DNAH11: variants seen among roughly 807,000 people sequenced by gnomAD.
DNAH11 encodes dynein axonemal heavy chain 11, also known as axonemal beta dynein heavy chain 11.
DNAH11 carries 442 observed loss-of-function variants against 526.0 expected under a neutral mutation model. The ratio of observed to expected loss-of-function variants is 0.84; its 90% CI spans 0.78 to 0.91. The LOEUF is 0.91. DNAH11 is among the 40% of genes least tolerant of loss of function. The probability of loss-of-function intolerance (pLI) is 0.00; values close to 1 mark genes in which losing one functional copy is unlikely to be tolerated. For synonymous variants in DNAH11, 2,461 were observed against 1,935.9 expected (o/e 1.27, Z -7.12); for missense variants, 6,989 against 5,448.7 (o/e 1.28, Z -8.90).
chr7:21,700,876 A>G, intron 36 of DNAH11, among the ~76,000 whole-genome samples: 1 of 152,104 alleles, frequency 6.6e-6, no homozygotes, highest in Non-Finnish European at 1.5e-5. Flanking sequence ...ACCAAACACC[A>G]CATATTCTCA....
rs569173286 is a variant in DNAH11 at position 21,757,415 on chromosome 7, C to A, written c.8940+7051C>A. Among the ~76,000 whole-genome samples, 217 of 151,732 alleles carry A rather than the reference C, an allele frequency of 1.4e-3. 5 individuals carry two copies. In the Middle Eastern group the frequency reaches 0.02, roughly 14 times the overall value. On this transcript the variant is annotated intron_variant, in intron 54 of 81. Transcript: ENST00000409508. The stretch of plus-strand genomic sequence containing the variant: ...TTTATCCTATCCGTTTTTATTTAAA[C>A]CCCCTTCTTTTACCTTCTTTCTTCA...
At chr7:21,607,936 C>CAAAAA (rs34293535) in intron 20 of DNAH11, among the ~76,000 whole-genome samples, 15 of 68,642 alleles carry the variant, frequency 2.2e-4, no homozygotes, top group Admixed American at 1.2e-3. Context: ...GACTTCATCT[C>CAAAAA]AAAAAAAAAA....
chr7:21,878,633 T>A (rs910793683), intron 74 of DNAH11, among the ~76,000 whole-genome samples: 1 of 152,146 alleles, frequency 6.6e-6, no homozygotes, highest in Admixed American at 6.6e-5. Context: ...TGATTTAGAG[T>A]GACCTAGTGA....
At chr7:21,698,935 CTTATT>C (rs1454638705) in intron 36 of DNAH11, among the ~76,000 whole-genome samples, 1 of 151,870 alleles carries the variant, frequency 6.6e-6, no homozygotes, top group Non-Finnish European at 1.5e-5. Flanking sequence ...ATTCGAAAAA[CTTATT>C]TTATAATTTT....
At chr7:21,629,475 G>A (rs1313912558) in intron 25 of DNAH11, among the ~76,000 whole-genome samples, 4 of 152,034 alleles carry the variant, frequency 2.6e-5, no homozygotes, top group African/African-American at 7.2e-5. Context: ...TGAAATCTTG[G>A]AAGATCTGTC....
At chr7:21,623,680 T>C (rs888633086) in intron 25 of DNAH11, among the ~76,000 whole-genome samples, 30 of 151,966 alleles carry the variant, frequency 2.0e-4, no homozygotes, top group African/African-American at 3.6e-4. Context: ...ATGGATGAAA[T>C]TGGAAATCAT....
chr7:21,590,791 CTATT>C, intron 12 of DNAH11, 123 bp from the exon 13 acceptor site: 2 of 577,016 alleles, frequency 3.5e-6, no homozygotes, highest in Non-Finnish European at 5.3e-6. Context: ...AAACAAAAGT[CTATT>C]TACCTTGATT....
rs367871885 is a variant in DNAH11, at chr7:21,601,437, G to A, written c.3467G>A (p.Gly1156Glu). 6.2e-7 allele frequency: 1 copy of A among 1,613,390 alleles called. No homozygotes were observed. Among genetic ancestry groups the A allele is most frequent in the African/African-American group, 1.3e-5 (1 of 74,916 alleles). ...LQEFIKETDS[G>E]LQRELNEGDH... ...GAATTTATAAAGGAGACAGATTCCGGACTTCAGAGAGAATTAAATGAAGGT... is the reference window on the plus strand; with the variant it reads ...GAATTTATAAAGGAGACAGATTCCGAACTTCAGAGAGAATTAAATGAAGGT... The change falls in exon 18 of 82, where the codon GGA becomes GAA. Residue 1156 changes from glycine to glutamate, a missense_variant. Transcript: ENST00000409508.
chr7:21,655,754 A>G lies in DNAH11; in HGVS notation c.4945-78A>G, dbSNP rs1193812240. 5 of 1,415,790 alleles carry G rather than the reference A, an allele frequency of 3.5e-6. No individual in the cohort carries two copies. In the East Asian group the frequency reaches 7.2e-5, roughly 21 times the overall value. The allele number at this position is 1,415,790 out of a possible 1,614,324, so 87.7% of individuals were successfully genotyped here. ...TAACTCCATAACGTTTCATGACTTCATATGGCATCATCTCTAGATTATCAG... is the reference window on the plus strand; with the variant it reads ...TAACTCCATAACGTTTCATGACTTCGTATGGCATCATCTCTAGATTATCAG... On this transcript the variant is annotated intron_variant, in intron 28 of 81. Transcript: ENST00000409508.
intron 41 of DNAH11, among the ~76,000 whole-genome samples, chr7:21,711,102 A>G (rs1784450394): frequency 6.6e-6 from 1 of 152,186 alleles, no homozygotes; most frequent in Admixed American, 6.5e-5. Flanking sequence ...CTATGGATTG[A>G]GTTAAAATGT....
At chr7:21,718,797 C>T (rs1784769319) in intron 43 of DNAH11, among the ~76,000 whole-genome samples, 1 of 152,012 alleles carries the variant, frequency 6.6e-6, no homozygotes, top group Non-Finnish European at 1.5e-5. Context: ...AGTGTGTTAC[C>T]AAATTTGTTT....
At position 21,709,451 on chromosome 7, in the gene DNAH11, A is replaced by G. The variant is rs142586221; in HGVS notation, c.6684-1102A>G. Among the ~76,000 whole-genome samples, 486 of 152,254 alleles carry G rather than the reference A, an allele frequency of 3.2e-3. 7 individuals are homozygous for G. The South Asian group carries it at 0.035, about 11-fold the overall frequency. On this transcript the variant is annotated intron_variant, in intron 40 of 81. Coordinates refer to ENST00000409508, the MANE Select transcript of DNAH11 (RefSeq NM_001277115.2). ...TGGGAGGGAAGGAGAGCAGCAGGGG[A>G]TGAAAAACTACCTGTTGGTTACTAT...
rs1229986575 is a variant in DNAH11, at chr7:21,711,714, G to A, written c.6837G>A (p.Val2279=). The change falls in exon 42 of 82, where the codon GTG becomes GTA. Residue 2279 remains valine, a splice_region_variant and synonymous_variant. Transcript: ENST00000409508. ...TGACAGTGTGCTGCTCACTCCAGGTGCTGACCCTCGCCAGCAATGAGCGCA... is the reference window on the plus strand; with the variant it reads ...TGACAGTGTGCTGCTCACTCCAGGTACTGACCCTCGCCAGCAATGAGCGCA... ...SLNTVMDDNK[V]LTLASNERIA... 3.7e-6 allele frequency: 6 copies of A among 1,613,460 alleles called. No homozygotes were observed. Among genetic ancestry groups the A allele is most frequent in the South Asian group, 1.1e-5 (1 of 91,040 alleles).
chr7:21,631,284 T>C (rs1280440158), intron 25 of DNAH11, among the ~76,000 whole-genome samples: 1 of 152,174 alleles, frequency 6.6e-6, no homozygotes, highest in East Asian at 1.9e-4. Context: ...GAGATTTGGA[T>C]AGGGAGACAG....
At chr7:21,788,990 A>G (rs561266772) in intron 60 of DNAH11, among the ~76,000 whole-genome samples, 5 of 152,244 alleles carry the variant, frequency 3.3e-5, no homozygotes, top group African/African-American at 4.8e-5. Flanking sequence ...AGGTATTACC[A>G]TGTCTGAAAA....
chr7:21,884,552 G>T, intron 76 of DNAH11, 142 bp downstream of exon 76: 1 of 916,378 alleles, frequency 1.1e-6, no homozygotes, highest in Non-Finnish European at 1.6e-6. Flanking sequence ...TTAGAAAAGC[G>T]GAATCTCGGG....
intron 68 of DNAH11, among the ~76,000 whole-genome samples, chr7:21,857,950 T>G (rs1234591675): frequency 6.6e-6 from 1 of 152,070 alleles, no homozygotes; most frequent in Non-Finnish European, 1.5e-5. Context: ...GCTTAAAAGT[T>G]TATGGTTTTC....
At chr7:21,602,269 G>A (rs1785120469) in intron 18 of DNAH11, among the ~76,000 whole-genome samples, 1 of 152,132 alleles carries the variant, frequency 6.6e-6, no homozygotes, top group Non-Finnish European at 1.5e-5. Context: ...AACTCGGGAG[G>A]TGAAGGTTGC....
chr7:21,901,062 G>A lies in DNAH11; in HGVS notation c.13359G>A (p.Leu4453=). 1.2e-6 allele frequency: 2 copies of A among 1,613,814 alleles called. No homozygotes were observed. The highest frequency in any genetic ancestry group is 1.7e-6 in the Non-Finnish European group (2 of 1,179,794). ...TTGTTGAAGCCCGTCTCAAGGAGCTGGCATGCCCTATGCCGGTCATCTTTG... is the reference window on the plus strand; with the variant it reads ...TTGTTGAAGCCCGTCTCAAGGAGCTAGCATGCCCTATGCCGGTCATCTTTG... ...GTIVEARLKE[L]ACPMPVIFAK... is the part of the protein sequence containing the mutation. Residue 4453 remains leucine, a synonymous_variant, in exon 82 of 82, where the codon CTG becomes CTA. Coordinates refer to ENST00000409508, the MANE Select transcript of DNAH11 (RefSeq NM_001277115.2).
Sources: allele counts gnomAD v4.1 joint callset (sites outside exome capture counted in the v4.1 genomes callset), GRCh38; gene constraint gnomAD v4.1.1; transcripts MANE v1.5; gene names NCBI Gene and HGNC (gene_info 2026-07-23, HGNC 2026-07-21).